The following SVEP1 variants were observed in gnomAD, a reference collection of about 807,000 sequenced individuals.
SVEP1 encodes the protein sushi, von Willebrand factor type A, EGF and pentraxin domain containing 1, also known as sushi, von Willebrand factor type A, EGF and pentraxin domain-containing protein 1.
A neutral mutation model predicts 367.3 loss-of-function variants in SVEP1; 164 were observed. The ratio of observed to expected loss-of-function variants is 0.45; its 90% CI spans 0.39 to 0.51. The LOEUF (loss-of-function observed/expected upper bound fraction) is 0.51. Among genes scored for constraint, SVEP1 ranks in the 20% least tolerant of loss-of-function variants. SVEP1 has a pLI of 0.00. For missense variants in SVEP1, 4,117 were observed against 4,425.3 expected (o/e 0.93, Z 1.98); for synonymous variants, 1,666 against 1,611.6 (o/e 1.03, Z -0.81).
At chr9:110,426,798 G>A (rs1828260024) in intron 36 of SVEP1, among the ~76,000 whole-genome samples, 1 of 152,154 alleles carries the variant, frequency 6.6e-6, no homozygotes, top group African/African-American at 2.4e-5. Flanking sequence ...GATCAAATGA[G>A]ACAATGAGTC....
chr9:110,555,007 A>G (rs752754790), intron 1 of SVEP1, among the ~76,000 whole-genome samples: 5 of 152,122 alleles, frequency 3.3e-5, no homozygotes, highest in Admixed American at 6.5e-5. Context: ...CAAGAGGTGG[A>G]AAGTTGTGTT....
In SVEP1 at chr9:110,471,275, A is replaced by G. The variant is rs571962104; in HGVS notation, c.2998+89T>C. 2.9e-6 allele frequency: 3 copies of G among 1,048,724 alleles called. No individual in the cohort carries two copies. In the African/African-American group the frequency reaches 4.8e-5, roughly 17 times the overall value. 65.0% of individuals were successfully genotyped at this position (1,048,724 alleles called of 1,614,324 possible). On this transcript the variant is annotated intron_variant, in intron 16 of 47. Transcript: ENST00000374469. The stretch of plus-strand genomic sequence containing the variant: ...ACAAGAGCAAAATATGTTTCATTTC[A>G]ATATCCCTTTATAGTTGTAAAATGG...
intron 18 of SVEP1, among the ~76,000 whole-genome samples, chr9:110,463,778 CA>C (rs1242633316): frequency 2.6e-5 from 4 of 151,796 alleles, no homozygotes; most frequent in African/African-American, 7.3e-5. Flanking sequence ...TAAAAACTAA[CA>C]AAAAATATAT....
chr9:110,508,385 T>C (rs1050523748), intron 5 of SVEP1, among the ~76,000 whole-genome samples: 2 of 152,184 alleles, frequency 1.3e-5, no homozygotes, highest in Admixed American at 1.3e-4. Context: ...AATGTAAGGT[T>C]CTCATTGGTT....
At chr9:110,396,300 T>C (rs62571905) in intron 40 of SVEP1, among the ~76,000 whole-genome samples, 191 of 148,454 alleles carry the variant, frequency 1.3e-3, no homozygotes, top group South Asian at 4.0e-3. Context: ...TTGAAACCAA[T>C]GAGAACAAAG....
chr9:110,451,143 C>T, intron 23 of SVEP1, 146 bp downstream of exon 23: 1 of 644,880 alleles, frequency 1.6e-6, no homozygotes. Flanking sequence ...TGTGTATTTC[C>T]TCAGAAAATG....
chr9:110,505,883 T>C (rs1829618660), intron 5 of SVEP1, among the ~76,000 whole-genome samples: 1 of 152,014 alleles, frequency 6.6e-6, no homozygotes, highest in African/African-American at 2.4e-5. Context: ...GTGTGTTACA[T>C]AGGTATACAC....
chr9:110,436,409 G>A lies in SVEP1; in HGVS notation c.4735C>T (p.Leu1579Phe). The change falls in exon 28 of 48, where the codon CTC (leucine) becomes TTC (phenylalanine). Residue 1579 changes from leucine to phenylalanine, a missense_variant. This residue lies in a region of SVEP1 where 2,174 missense variants were observed against 2,494.3 expected (regional missense o/e 0.87). Transcript: ENST00000374469. ...SFVGSISQLN[L>F]WDYVLSPQQV... ...TGTGGAGACAGGACATAGTCCCAGA[G>A]GTTGAGCTGGCTTATGGAGCCCACA... 1 of 1,613,960 alleles carries A rather than the reference G, an allele frequency of 6.2e-7. No individual in the cohort carries two copies. Among genetic ancestry groups the A allele is most frequent in the African/African-American group, 1.3e-5 (1 of 75,038 alleles).
At chr9:110,428,301 T>C (rs1828284629) in intron 35 of SVEP1, among the ~76,000 whole-genome samples, 1 of 152,072 alleles carries the variant, frequency 6.6e-6, no homozygotes, top group African/African-American at 2.4e-5. Flanking sequence ...CATGCTTTAA[T>C]TCACTCCACT....
intron 40 of SVEP1, among the ~76,000 whole-genome samples, chr9:110,397,447 CCT>C (rs1361114905): frequency 6.6e-6 from 1 of 152,126 alleles, no homozygotes; most frequent in African/African-American, 2.4e-5. Flanking sequence ...ACAGGGATGC[CCT>C]CTCTCACCAC....
At chr9:110,576,323 T>A (rs1830626773) in intron 1 of SVEP1, among the ~76,000 whole-genome samples, 1 of 152,108 alleles carries the variant, frequency 6.6e-6, no homozygotes, top group African/African-American at 2.4e-5. Context: ...ATATGTTCCT[T>A]ATTTTGGAAA....
chr9:110,392,133 TTATATA>T (rs35109985), intron 40 of SVEP1, among the ~76,000 whole-genome samples: 10 of 99,636 alleles, frequency 1.0e-4, no homozygotes, highest in African/African-American at 3.9e-4. Context: ...CAATTCCTCA[TTATATA>T]TATATATATA....
At chr9:110,551,402 C>T (rs1283188389) in intron 1 of SVEP1, among the ~76,000 whole-genome samples, 1 of 152,188 alleles carries the variant, frequency 6.6e-6, no homozygotes, top group African/African-American at 2.4e-5. Flanking sequence ...AAAGCTAAAG[C>T]TGCTAAACCT....
chr9:110,472,131 C>T (rs1247195815), intron 15 of SVEP1, 28 bp downstream of exon 15: 5 of 1,586,730 alleles, frequency 3.2e-6, no homozygotes, highest in East Asian at 4.5e-5. Flanking sequence ...CATTATATTG[C>T]TTTTTCAAAT....
intron 44 of SVEP1, among the ~76,000 whole-genome samples, chr9:110,378,008 C>CCTCCAGGTTAGTCCATGTTGTT (rs1564122968): frequency 2.0e-5 from 3 of 152,128 alleles, no homozygotes; most frequent in African/African-American, 7.2e-5. Context: ...AGCATGATGT[C>CCTCCAGGTTAGTCCATGTTGTT]CTCCAGGTTA....
intron 3 of SVEP1, among the ~76,000 whole-genome samples, chr9:110,518,252 G>A (rs776840538): frequency 4.6e-5 from 7 of 151,818 alleles, no homozygotes; most frequent in African/African-American, 7.3e-5. Context: ...GTGAAACCCC[G>A]TCTCTACTAA....
At chr9:110,534,327 C>A (rs1295989731) in intron 3 of SVEP1, among the ~76,000 whole-genome samples, 1 of 152,168 alleles carries the variant, frequency 6.6e-6, no homozygotes, top group Non-Finnish European at 1.5e-5. Context: ...TGGCTTCCAA[C>A]TCCATCTATG....
At chr9:110,443,886 A>G (rs933420735) in intron 26 of SVEP1, among the ~76,000 whole-genome samples, 166 bp from the exon 27 acceptor site, 30 of 152,026 alleles carry the variant, frequency 2.0e-4, no homozygotes, top group African/African-American at 7.0e-4. Context: ...TTGTAGAAGC[A>G]GATTTGATTT....
chr9:110,429,845 T>C (rs1347254882), intron 34 of SVEP1, 75 bp downstream of exon 34: 3 of 1,260,418 alleles, frequency 2.4e-6, no homozygotes, highest in Non-Finnish European at 3.4e-6. Flanking sequence ...TCCCACCCCC[T>C]TTCTTTCAGT....
Sources: gnomAD v4.1 joint callset for allele counts (sites outside exome capture counted in the v4.1 genomes callset) on GRCh38, gnomAD v4.1.1 for gene constraint, gnomAD v4.1.1 regional missense constraint, MANE v1.5 for transcripts, NCBI Gene and HGNC (gene_info 2026-07-23, HGNC 2026-07-21) for gene names.